The following DTNA variants were observed in gnomAD, a reference collection of about 807,000 sequenced individuals.
DTNA encodes the protein dystrophin-related protein 3.
DTNA carries 43 observed loss-of-function variants against 100.7 expected under a neutral mutation model. The ratio of observed to expected loss-of-function variants is 0.43; its 90% CI spans 0.33 to 0.55. The LOEUF (loss-of-function observed/expected upper bound fraction) is 0.55, where lower values mean the gene tolerates loss of function less well. Ranked by LOEUF, DTNA falls within the 20% of genes least tolerant of loss-of-function variation. The pLI is 0.04. For synonymous variants in DTNA, 349 were observed against 347.9 expected (o/e 1.00, Z -0.04); for missense variants, 798 against 953.9 (o/e 0.84, Z 2.15).
chr18:34,633,548 G>A (rs79848304), intron 1 of DTNA, among the ~76,000 whole-genome samples: 5,969 of 152,106 alleles, frequency 0.039, 329 homozygotes, highest in African/African-American at 0.13. Context: ...AGAAAAGCAG[G>A]CAGGTCGGGA....
At chr18:34,506,545 T>A (rs577985239) in intron 1 of DTNA, among the ~76,000 whole-genome samples, 16 of 152,348 alleles carry the variant, frequency 1.1e-4, no homozygotes, top group Admixed American at 2.0e-4. Flanking sequence ...CTTCTGTGGC[T>A]ACAATAGAGC....
intron 18 of DTNA, 26 bp downstream of exon 18, chr18:34,875,424 G>T: frequency 6.2e-7 from 1 of 1,613,946 alleles, no homozygotes; most frequent in Non-Finnish European, 8.5e-7. Context: ...TTTTGTTGTG[G>T]TCTGCTTTTA....
intron 1 of DTNA, among the ~76,000 whole-genome samples, chr18:34,720,103 G>C (rs1487990371): frequency 6.6e-6 from 1 of 152,140 alleles, no homozygotes; most frequent in Non-Finnish European, 1.5e-5. Flanking sequence ...AGGGAATCAG[G>C]CCAGAGGCTG....
intron 1 of DTNA, among the ~76,000 whole-genome samples, chr18:34,661,680 A>G (rs2075209070): frequency 6.6e-6 from 1 of 152,148 alleles, no homozygotes; most frequent in African/African-American, 2.4e-5. Context: ...TATTTTCACC[A>G]CTAGAGGGAG....
chr18:34,687,630 GGA>G (rs1303638836), intron 1 of DTNA, among the ~76,000 whole-genome samples: 1 of 152,186 alleles, frequency 6.6e-6, no homozygotes, highest in Non-Finnish European at 1.5e-5. Context: ...GATTTGGGGT[GGA>G]GAGTTCTGCA....
intron 5 of DTNA, among the ~76,000 whole-genome samples, chr18:34,807,668 G>A (rs948901775): frequency 6.6e-6 from 1 of 152,036 alleles, no homozygotes; most frequent in African/African-American, 2.4e-5. Flanking sequence ...TCACTTCTGG[G>A]ACTTCCCTCC....
chr18:34,866,381 G>A (rs1298450311), intron 17 of DTNA: 1 of 1,378,768 alleles, frequency 7.3e-7, no homozygotes, highest in South Asian at 1.6e-5. Context: ...GGAACGAATT[G>A]TCATTTATTG....
intron 13 of DTNA, among the ~76,000 whole-genome samples, chr18:34,841,652 C>G (rs2096270434): frequency 6.6e-6 from 1 of 152,120 alleles, no homozygotes; most frequent in Admixed American, 6.6e-5. Context: ...TTCCATTTCA[C>G]TGTTTAAAAA....
chr18:34,496,029 T>A (rs1219852496), intron 1 of DTNA, among the ~76,000 whole-genome samples: 1 of 152,196 alleles, frequency 6.6e-6, no homozygotes, highest in Non-Finnish European at 1.5e-5. Context: ...TTCATAGATT[T>A]CCTTTAATTC....
At chr18:34,815,068 G>A (rs1476717180) in intron 6 of DTNA, among the ~76,000 whole-genome samples, 8 of 151,934 alleles carry the variant, frequency 5.3e-5, no homozygotes. Context: ...AGTCCAGCCT[G>A]GGCAACATAA....
At chr18:34,867,012 TAAATTAAATA>T in intron 17 of DTNA, 3 of 1,218,870 alleles carry the variant, frequency 2.5e-6, no homozygotes, top group Non-Finnish European at 3.1e-6. Context: ...TAAATTAAAT[TAAATTAAATA>T]GAAGCAAAAT....
At chr18:34,596,876 A>C (rs919922171) in intron 1 of DTNA, among the ~76,000 whole-genome samples, 1 of 151,982 alleles carries the variant, frequency 6.6e-6, no homozygotes. Flanking sequence ...AATTATACGC[A>C]AGTTGTGGGA....
chr18:34,636,252 TCTC>T (rs1326025927), intron 1 of DTNA, among the ~76,000 whole-genome samples: 2 of 152,104 alleles, frequency 1.3e-5, no homozygotes, highest in African/African-American at 4.8e-5. Context: ...TTCAAGCAAT[TCTC>T]CTGCCTCAGC....
At chr18:34,533,677 C>A (rs1344987446) in intron 1 of DTNA, among the ~76,000 whole-genome samples, 1 of 151,966 alleles carries the variant, frequency 6.6e-6, no homozygotes, top group African/African-American at 2.4e-5. Flanking sequence ...ACACAGAAAT[C>A]ATTATGCCGA....
intron 1 of DTNA, among the ~76,000 whole-genome samples, chr18:34,604,988 C>T (rs1018575281): frequency 6.6e-6 from 1 of 151,250 alleles, no homozygotes; most frequent in Admixed American, 6.6e-5. Context: ...TCATATATAC[C>T]AACTTAACTG....
At chr18:34,694,946 C>T (rs552552240) in intron 1 of DTNA, among the ~76,000 whole-genome samples, 2 of 152,280 alleles carry the variant, frequency 1.3e-5, no homozygotes, top group South Asian at 2.1e-4. Context: ...CCCTCAGTTC[C>T]TATTCCTCGT....
At chr18:34,597,681 A>G (rs2050908261) in intron 1 of DTNA, among the ~76,000 whole-genome samples, 1 of 152,186 alleles carries the variant, frequency 6.6e-6, no homozygotes, top group Non-Finnish European at 1.5e-5. Flanking sequence ...TTCACTGGTT[A>G]TCACCAACAC....
chr18:34,500,609 A>G (rs2039802298), intron 1 of DTNA, among the ~76,000 whole-genome samples: 1 of 151,324 alleles, frequency 6.6e-6, no homozygotes, highest in Non-Finnish European at 1.5e-5. Context: ...GATTACAGGC[A>G]CCCACCCCCA....
chr18:34,794,658 A>C (rs2094893063), intron 4 of DTNA, among the ~76,000 whole-genome samples: 1 of 152,220 alleles, frequency 6.6e-6, no homozygotes, highest in Non-Finnish European at 1.5e-5. Flanking sequence ...GCCCTACAGC[A>C]AACAAGAAAG....
Sources: allele counts gnomAD v4.1 joint callset (sites outside exome capture counted in the v4.1 genomes callset), GRCh38; gene constraint gnomAD v4.1.1; transcripts MANE v1.5; gene names NCBI Gene and HGNC (gene_info 2026-07-23, HGNC 2026-07-21).